The following CECR2 variants were observed in gnomAD, a reference collection of about 807,000 sequenced individuals.
The protein encoded by CECR2 is CECR2 histone acetyl-lysine reader, also known as chromatin remodeling regulator CECR2.
CECR2 carries 30 observed loss-of-function variants against 154.5 expected under a neutral mutation model. The observed-to-expected ratio is 0.19, with a 90% confidence interval of 0.15 to 0.26. The LOEUF (loss-of-function observed/expected upper bound fraction) is 0.26. Ranked by LOEUF, CECR2 falls within the 10% of genes least tolerant of loss-of-function variation. CECR2 has a pLI of 1.00. For synonymous variants in CECR2, 725 were observed against 683.7 expected, an observed-to-expected ratio of 1.06 and a Z score of -0.94; for missense variants, 1,743 against 1,829.3, an observed-to-expected ratio of 0.95 and a Z score of 0.86.
At chr22:17,502,842 A>C (rs987426742) in intron 5 of CECR2, among the ~76,000 whole-genome samples, 1 of 152,214 alleles carries the variant, frequency 6.6e-6, no homozygotes, top group Non-Finnish European at 1.5e-5. Context: ...CTGTTTTCTT[A>C]TGCATTGATA....
chr22:17,402,343 T>C (rs1385872162), intron 1 of CECR2, among the ~76,000 whole-genome samples: 1 of 152,148 alleles, frequency 6.6e-6, no homozygotes, highest in Non-Finnish European at 1.5e-5. Context: ...ATTTATAGAA[T>C]AGTTACAATG....
intron 6 of CECR2, among the ~76,000 whole-genome samples, chr22:17,504,137 C>T (rs186229529): frequency 9.0e-4 from 136 of 151,862 alleles, no homozygotes; most frequent in Middle Eastern, 3.4e-3. Context: ...TTTGGGAGTT[C>T]GAAGCAGGCA....
intron 1 of CECR2, among the ~76,000 whole-genome samples, chr22:17,408,962 C>T (rs1449251274): frequency 6.6e-6 from 1 of 152,172 alleles, no homozygotes; most frequent in Non-Finnish European, 1.5e-5. Flanking sequence ...GCTGTATCAG[C>T]TTTCTTTTCT....
chr22:17,389,669 C>T (rs746273999), intron 1 of CECR2, among the ~76,000 whole-genome samples: 1 of 151,898 alleles, frequency 6.6e-6, no homozygotes, highest in Non-Finnish European at 1.5e-5. Context: ...ACTCTGTTGC[C>T]CAGGCTGGAG....
At position 17,524,155 on chromosome 22, in the gene CECR2, G is replaced by A. The variant is rs138101258; in HGVS notation, c.992G>A (p.Arg331His). The A allele has an allele frequency of 2.6e-4, 420 of 1,601,650 alleles. 1 individual carries two copies. In the Middle Eastern group the frequency reaches 6.0e-3, roughly 23 times the overall value. Residue 331 changes from arginine to histidine, a missense_variant, in exon 9 of 19, where the codon CGC (arginine) becomes CAC (histidine). Physicochemically the swap from Arg to His is conservative, Grantham distance 29. This residue lies in a region of CECR2 where 292 missense variants were observed against 301.2 expected (regional missense o/e 0.97). Coordinates refer to ENST00000262608, the MANE Select transcript of CECR2 (RefSeq NM_001290047.2). Reference protein sequence around the residue: ...PVLTRIEKQKRKEEEEERQIL... With the variant: ...PVLTRIEKQKHKEEEEERQIL... ...CTGACCAGAATAGAAAAACAAAAGC[G>A]CAAAGAGGAGGAAGAAGAGCGTCAG...
chr22:17,475,677 C>G (rs80324212), intron 1 of CECR2, among the ~76,000 whole-genome samples: 2 of 152,266 alleles, frequency 1.3e-5, no homozygotes, highest in Non-Finnish European at 2.9e-5. Context: ...ACTTACCTAT[C>G]AAATGAGATT....
chr22:17,544,185 G>A (rs1407614170), intron 16 of CECR2, among the ~76,000 whole-genome samples: 1 of 152,176 alleles, frequency 6.6e-6, no homozygotes, highest in Admixed American at 6.5e-5. Context: ...GGGCAAGAGA[G>A]TAAGACTGTC....
At position 17,555,861 on chromosome 22, in the gene CECR2, C is replaced by A. The variant is rs994352627; in HGVS notation, c.*3021C>A. 7 of 152,076 alleles carry A rather than the reference C, an allele frequency of 4.6e-5. No individual in the cohort carries two copies. Among genetic ancestry groups the A allele is most frequent in the Non-Finnish European group, 8.8e-5 (6 of 68,018 alleles). 9.4% of individuals were successfully genotyped at this position (152,076 alleles called of 1,614,324 possible). On this transcript the variant is annotated 3_prime_UTR_variant, in exon 19 of 19. Transcript: ENST00000262608. ...TCGTGGAGAATGGGAAATACCATTG[C>A]ATCTCTTTGATTTAACACTCATGGC...
exon 1 of CECR2, chr22:17,359,960 T>C (rs1385659067): frequency 6.6e-6 from 1 of 152,224 alleles, no homozygotes; most frequent in East Asian, 1.9e-4. Context: ...GGAAAAAGGA[T>C]GAACAAATGC....
At chr22:17,477,303 G>A in intron 1 of CECR2, 1 of 605,724 alleles carries the variant, frequency 1.7e-6, no homozygotes. Context: ...TATGCAGCTA[G>A]CATTGATTTA....
intron 1 of CECR2, among the ~76,000 whole-genome samples, chr22:17,421,862 CA>C (rs1183898354): frequency 2.3e-5 from 3 of 131,144 alleles, no homozygotes; most frequent in Admixed American, 2.2e-4. Flanking sequence ...AAAAAAAAAA[CA>C]AAAAAAACTT....
At chr22:17,404,405 G>T (rs1329844960) in intron 1 of CECR2, among the ~76,000 whole-genome samples, 3 of 45,542 alleles carry the variant, frequency 6.6e-5, no homozygotes, top group East Asian at 4.9e-4. Context: ...ACGGAGTCTC[G>T]CTCTGTCGCC....
chr22:17,387,634 G>A (rs2063280037), intron 1 of CECR2, among the ~76,000 whole-genome samples: 1 of 152,172 alleles, frequency 6.6e-6, no homozygotes, highest in Non-Finnish European at 1.5e-5. Context: ...CACATAACAT[G>A]TTAAGTATCT....
intron 2 of CECR2, among the ~76,000 whole-genome samples, chr22:17,496,372 C>A (rs2055627696): frequency 6.6e-6 from 1 of 151,780 alleles, no homozygotes; most frequent in Non-Finnish European, 1.5e-5. Context: ...TGGTGGTGGG[C>A]GCCTCTAGTC....
chr22:17,449,251 G>C (rs2054727438), intron 1 of CECR2, among the ~76,000 whole-genome samples: 1 of 152,060 alleles, frequency 6.6e-6, no homozygotes, highest in South Asian at 2.1e-4. Context: ...AACTGTAGCA[G>C]AGGACCGTGG....
chr22:17,476,079 C>T (rs1337351413), intron 1 of CECR2, among the ~76,000 whole-genome samples: 2 of 151,174 alleles, frequency 1.3e-5, no homozygotes, highest in South Asian at 2.1e-4. Context: ...CTCCCCTTCA[C>T]ATAATCTAAA....
At chr22:17,479,682 C>T (rs2092102274) in intron 2 of CECR2, among the ~76,000 whole-genome samples, 1 of 151,902 alleles carries the variant, frequency 6.6e-6, no homozygotes, top group Admixed American at 6.6e-5. Flanking sequence ...TTAAGAACTC[C>T]CCTTATCTAA....
At chr22:17,536,581 G>A (rs1374300202) in intron 9 of CECR2, among the ~76,000 whole-genome samples, 1 of 152,252 alleles carries the variant, frequency 6.6e-6, no homozygotes, top group Non-Finnish European at 1.5e-5. Context: ...GGGGTGGGGA[G>A]CAGACCATTG....
intron 2 of CECR2, among the ~76,000 whole-genome samples, chr22:17,486,490 A>G (rs778019130): frequency 2.2e-4 from 34 of 152,284 alleles, no homozygotes; most frequent in South Asian, 6.2e-4. Context: ...GTTCACTGTC[A>G]CACTCTGGGG....
Sources: allele counts gnomAD v4.1 joint callset (sites outside exome capture counted in the v4.1 genomes callset), GRCh38; gene constraint gnomAD v4.1.1; regional missense constraint gnomAD v4.1.1; transcripts MANE v1.5; gene names NCBI Gene and HGNC (gene_info 2026-07-23, HGNC 2026-07-21).